CCDC171: variants seen among roughly 807,000 people sequenced by gnomAD.
The protein encoded by CCDC171 is coiled-coil domain-containing protein 171.
Under a neutral mutation model 168.2 loss-of-function variants are expected in CCDC171, and 177 were observed. The ratio of observed to expected loss-of-function variants is 1.05; its 90% CI spans 0.93 to 1.19. The LOEUF (loss-of-function observed/expected upper bound fraction) is 1.19. Among genes scored for constraint, CCDC171 ranks in the 50% most tolerant of loss-of-function variants. The pLI, the probability that CCDC171 is intolerant of heterozygous loss-of-function variation, is 0.00. For missense variants in CCDC171, 1,991 were observed against 1,539.0 expected, an observed-to-expected ratio of 1.29 and a Z score of -4.91; for synonymous variants, 687 against 540.8, an observed-to-expected ratio of 1.27 and a Z score of -3.75.
chr9:15,594,225 T>C, intron 6 of CCDC171, 53 bp downstream of exon 6: 1 of 1,010,970 alleles, frequency 9.9e-7, no homozygotes. Flanking sequence ...GCTTATGATA[T>C]TCAAAATTAC....
chr9:15,602,632 C>CTTTTTTTTTTTTTTT (rs1050799184), intron 6 of CCDC171, among the ~76,000 whole-genome samples: 8 of 31,022 alleles, frequency 2.6e-4, no homozygotes, highest in African/African-American at 3.8e-4. Flanking sequence ...TTTCTCATTT[C>CTTTTTTTTTTTTTTT]TTTTTTTTTT....
At chr9:15,780,258 C>G (rs1159759641) in intron 20 of CCDC171, among the ~76,000 whole-genome samples, 1 of 152,000 alleles carries the variant, frequency 6.6e-6, no homozygotes, top group Non-Finnish European at 1.5e-5. Context: ...CTAAAGACAC[C>G]ATAATTTTTC....
intron 7 of CCDC171, among the ~76,000 whole-genome samples, chr9:15,631,715 C>G (rs1354828375): frequency 6.6e-6 from 1 of 150,988 alleles, no homozygotes. Context: ...GAGACACAAC[C>G]AAAAAAGAGA....
chr9:15,835,510 C>G (rs901341191), intron 21 of CCDC171, among the ~76,000 whole-genome samples: 5 of 152,162 alleles, frequency 3.3e-5, no homozygotes, highest in Non-Finnish European at 7.3e-5. Context: ...TCACTGCAAC[C>G]TCTGCCTCCC....
intron 21 of CCDC171, among the ~76,000 whole-genome samples, chr9:15,828,089 C>G (rs1048949794): frequency 1.7e-4 from 26 of 152,004 alleles, no homozygotes; most frequent in Non-Finnish European, 2.9e-5. Context: ...AATAGTACTG[C>G]TAACAACAAA....
chr9:15,705,883 A>G (rs2052182348), intron 11 of CCDC171, among the ~76,000 whole-genome samples: 1 of 152,226 alleles, frequency 6.6e-6, no homozygotes, highest in Non-Finnish European at 1.5e-5. Context: ...ATGAATTAAT[A>G]TCAGGTTGAA....
chr9:15,629,051 C>G (rs2132232928), intron 7 of CCDC171, among the ~76,000 whole-genome samples: 1 of 152,102 alleles, frequency 6.6e-6, no homozygotes, highest in South Asian at 2.1e-4. Context: ...CATCAAAGAC[C>G]AAAAGTAGAT....
chr9:15,713,590 A>G (rs2052848182), intron 11 of CCDC171, among the ~76,000 whole-genome samples: 1 of 152,134 alleles, frequency 6.6e-6, no homozygotes, highest in Non-Finnish European at 1.5e-5. Flanking sequence ...TTGGCCATGT[A>G]TTCAGTATCT....
chr9:16,001,837 C>CTTTTT (rs35583305), intron 3 of CCDC171, among the ~76,000 whole-genome samples: 1 of 128,022 alleles, frequency 7.8e-6, no homozygotes, highest in African/African-American at 2.8e-5. Context: ...GATTTATTAT[C>CTTTTT]TTTTTTTTTT....
intron 25 of CCDC171, among the ~76,000 whole-genome samples, chr9:15,970,497 G>A (rs1445526456): frequency 1.3e-5 from 2 of 151,782 alleles, no homozygotes; most frequent in East Asian, 1.9e-4. Flanking sequence ...TGGGAATCTG[G>A]AAAATTATGT....
chr9:15,759,974 T>A (rs988829203), intron 18 of CCDC171, among the ~76,000 whole-genome samples: 1 of 152,186 alleles, frequency 6.6e-6, no homozygotes, highest in African/African-American at 2.4e-5. Flanking sequence ...TGTTAAATTA[T>A]GAGCAGTATC....
At chr9:15,795,912 G>T (rs937638881) in intron 21 of CCDC171, among the ~76,000 whole-genome samples, 3 of 152,240 alleles carry the variant, frequency 2.0e-5, no homozygotes, top group East Asian at 1.9e-4. Flanking sequence ...CCAGTCACCA[G>T]TGTGACCTTG....
chr9:15,691,544 T>TATATATA lies in CCDC171; in HGVS notation c.1216-3691_1216-3690insATATATA, dbSNP rs1554762170. ...TTAAAAATACCTGTAAATATATGTT[T>TATATATA]TTTATATATATATATATATATATAT... On this transcript the variant is annotated intron_variant, in intron 10 of 25. Transcript: ENST00000380701. Among the ~76,000 whole-genome samples, 261 of 87,716 alleles carry TATATATA rather than the reference T, an allele frequency of 3.0e-3. 3 individuals carry two copies. The highest frequency in any genetic ancestry group is 0.013 in the African/African-American group (243 of 18,610). 57.5% of individuals were successfully genotyped at this position (87,716 alleles called of 152,430 possible).
intron 24 of CCDC171, among the ~76,000 whole-genome samples, chr9:15,878,408 C>T (rs1316861177): frequency 6.6e-6 from 1 of 150,412 alleles, no homozygotes; most frequent in Non-Finnish European, 1.5e-5. Context: ...TAGAGAAATG[C>T]CAATCAAAAC....
chr9:15,576,999 T>A (rs2040723787), intron 3 of CCDC171, among the ~76,000 whole-genome samples: 1 of 152,200 alleles, frequency 6.6e-6, no homozygotes, highest in Admixed American at 6.5e-5. Context: ...TGGTAAGGAA[T>A]GTTCAGTGGG....
intron 7 of CCDC171, among the ~76,000 whole-genome samples, chr9:15,625,825 T>G (rs1430158667): frequency 2.0e-5 from 3 of 152,188 alleles, no homozygotes; most frequent in Admixed American, 6.5e-5. Context: ...CATATGAAAT[T>G]TAAAGTAGTT....
intron 25 of CCDC171, among the ~76,000 whole-genome samples, chr9:15,921,750 A>G (rs1825359974): frequency 1.3e-5 from 2 of 151,568 alleles, no homozygotes; most frequent in South Asian, 4.2e-4. Flanking sequence ...CCACCAAGAG[A>G]AATTAAAATG....
chr9:16,070,222 G>A, the CCDC171 span, among the ~76,000 whole-genome samples: 8 of 152,156 alleles, frequency 5.3e-5, no homozygotes, highest in South Asian at 2.1e-4. Context: ...CTCGGGGTCC[G>A]TGGTTAAATC....
intron 6 of CCDC171, among the ~76,000 whole-genome samples, chr9:15,601,259 A>G (rs542473517): frequency 1.1e-4 from 16 of 152,232 alleles, no homozygotes; most frequent in African/African-American, 3.6e-4. Flanking sequence ...AGCTGTTCCT[A>G]TTTGGCCATC....
Sources: allele counts gnomAD v4.1 joint callset (sites outside exome capture counted in the v4.1 genomes callset), GRCh38; gene constraint gnomAD v4.1.1; transcripts MANE v1.5; gene names NCBI Gene and HGNC (gene_info 2026-07-23, HGNC 2026-07-21).